The following GRIA1 variants were observed in gnomAD, a reference collection of about 807,000 sequenced individuals.
GRIA1 encodes glutamate ionotropic receptor AMPA type subunit 1, also known as glutamate receptor 1.
Under a neutral mutation model 99.2 loss-of-function variants are expected in GRIA1, and 31 were observed. That is an observed-to-expected ratio of 0.31 (90% CI 0.23 to 0.42). The LOEUF is 0.42. Among genes scored for constraint, GRIA1 ranks in the 10% least tolerant of loss-of-function variants. GRIA1 has a pLI of 1.00. For synonymous variants in GRIA1, 438 were observed against 432.4 expected (o/e 1.01, Z -0.16); for missense variants, 782 against 1,157.5 (o/e 0.68, Z 4.71).
chr5:153,560,476 T>G (rs1242252719), intron 2 of GRIA1, among the ~76,000 whole-genome samples: 2 of 152,042 alleles, frequency 1.3e-5, no homozygotes, highest in Non-Finnish European at 2.9e-5. Flanking sequence ...AGGGACCAGG[T>G]GGGAGGTAAT....
chr5:153,550,294 T>A (rs189623608), intron 2 of GRIA1, among the ~76,000 whole-genome samples: 1,924 of 151,716 alleles, frequency 0.013, 32 homozygotes, highest in African/African-American at 0.039. Context: ...TCCTAGAAGA[T>A]CAAGAAGTAG....
chr5:153,675,160 C>A (rs1038981967), intron 6 of GRIA1, among the ~76,000 whole-genome samples: 3 of 152,252 alleles, frequency 2.0e-5, no homozygotes, highest in African/African-American at 4.8e-5. Context: ...AAACTACCCC[C>A]AGTTGGCTGC....
intron 13 of GRIA1, among the ~76,000 whole-genome samples, chr5:153,784,834 T>C (rs961006932): frequency 6.6e-6 from 1 of 152,134 alleles, no homozygotes; most frequent in Non-Finnish European, 1.5e-5. Flanking sequence ...GAGACCATTG[T>C]CCAAAGGAAG....
At chr5:153,504,766 G>A (rs537307425) in intron 2 of GRIA1, among the ~76,000 whole-genome samples, 26 of 152,294 alleles carry the variant, frequency 1.7e-4, no homozygotes, top group African/African-American at 5.8e-4. Flanking sequence ...CGACTGGGAG[G>A]TGGTCTCTCC....
At chr5:153,557,598 T>A (rs569232275) in intron 2 of GRIA1, among the ~76,000 whole-genome samples, 1 of 152,370 alleles carries the variant, frequency 6.6e-6, no homozygotes, top group Non-Finnish European at 1.5e-5. Flanking sequence ...GCTTTTCTTT[T>A]TCTATTTCTA....
At chr5:153,645,507 G>A (rs948941995) in intron 2 of GRIA1, among the ~76,000 whole-genome samples, 1 of 152,162 alleles carries the variant, frequency 6.6e-6, no homozygotes, top group African/African-American at 2.4e-5. Context: ...GAGGCAAATA[G>A]ATTTGACAAA....
intron 8 of GRIA1, among the ~76,000 whole-genome samples, chr5:153,687,035 T>TC (rs59367883): frequency 6.6e-5 from 10 of 151,832 alleles, no homozygotes; most frequent in Admixed American, 5.9e-4. Context: ...TGGGACTTCC[T>TC]CCCCCCATCT....
intron 2 of GRIA1, among the ~76,000 whole-genome samples, chr5:153,608,336 C>T (rs1049609592): frequency 6.6e-6 from 1 of 152,184 alleles, no homozygotes; most frequent in African/African-American, 2.4e-5. Context: ...ATTCTTCAGA[C>T]ATCATTTATG....
At chr5:153,667,334 G>A (rs569026990) in intron 5 of GRIA1, among the ~76,000 whole-genome samples, 16 of 152,334 alleles carry the variant, frequency 1.1e-4, no homozygotes, top group South Asian at 6.2e-4. Context: ...TGAACAGCTC[G>A]TATGTGACCC....
chr5:153,806,335 G>T (rs1199532162), intron 15 of GRIA1, among the ~76,000 whole-genome samples: 1 of 151,782 alleles, frequency 6.6e-6, no homozygotes, highest in Admixed American at 6.6e-5. Context: ...GTGCAATCTC[G>T]GCTCACTGCA....
intron 2 of GRIA1, among the ~76,000 whole-genome samples, chr5:153,550,752 A>G (rs1195040704): frequency 1.3e-5 from 2 of 152,166 alleles, no homozygotes; most frequent in Non-Finnish European, 2.9e-5. Context: ...ATGTTGTAAG[A>G]ATTAACTGAA....
intron 15 of GRIA1, among the ~76,000 whole-genome samples, chr5:153,810,050 T>G (rs1037974187): frequency 9.8e-5 from 15 of 152,348 alleles, no homozygotes; most frequent in Admixed American, 3.9e-4. Context: ...ATCAATGGTC[T>G]TTCTCCAAAG....
Position 153,705,691 on chromosome 5 carries a change from T to TTTTTTC in GRIA1, c.1453-4_1453-3insTTTCTT, listed in dbSNP as rs757346467. ...TTTTTTTTTTTTTTTTTTTTTTTTT[T>TTTTTTC]TTCAGAGAGCAGATGTGGCTGTGGC... is the stretch of plus-strand genomic sequence containing the variant. On this transcript the variant is annotated splice_polypyrimidine_tract_variant and splice_region_variant and intron_variant, in intron 10 of 15. Transcript: ENST00000285900. 10 of 1,291,922 alleles carry TTTTTTC rather than the reference T, an allele frequency of 7.7e-6. No individual in the cohort carries two copies. In the African/African-American group the frequency reaches 1.6e-4, roughly 21 times the overall value. 80.0% of individuals were successfully genotyped at this position (1,291,922 alleles called of 1,614,324 possible).
intron 2 of GRIA1, among the ~76,000 whole-genome samples, chr5:153,621,992 AC>A (rs1386990545): frequency 6.6e-6 from 1 of 152,080 alleles, no homozygotes; most frequent in Non-Finnish European, 1.5e-5. Context: ...GAGCTGCTAA[AC>A]AGAACATGTG....
chr5:153,542,504 G>T (rs1393071990), intron 2 of GRIA1, among the ~76,000 whole-genome samples: 1 of 152,164 alleles, frequency 6.6e-6, no homozygotes, highest in Non-Finnish European at 1.5e-5. Flanking sequence ...ATGGCACTTG[G>T]CAAAGCATTC....
At chr5:153,570,318 C>T (rs1033303326) in intron 2 of GRIA1, among the ~76,000 whole-genome samples, 1 of 152,200 alleles carries the variant, frequency 6.6e-6, no homozygotes, top group Non-Finnish European at 1.5e-5. Flanking sequence ...GCTTTAACAT[C>T]TCAGTGAGTC....
At chr5:153,545,058 T>C (rs1287384125) in intron 2 of GRIA1, among the ~76,000 whole-genome samples, 3 of 152,178 alleles carry the variant, frequency 2.0e-5, no homozygotes, top group South Asian at 2.1e-4. Context: ...AGTTCTCTTG[T>C]GTTTAAGGAA....
rs375455632 is a variant in GRIA1, at chr5:153,683,957, AAC to A, written c.1030-2265_1030-2264del. ...CAGCAATAGCAGAAAGCAGGTAGAA[AAC>A]ACTACATTGCACATTTTTGTGTTGT... On this transcript the variant is annotated intron_variant, in intron 7 of 15. Coordinates refer to ENST00000285900, the MANE Select transcript of GRIA1 (RefSeq NM_000827.4). 4.3e-3 allele frequency among the ~76,000 whole-genome samples: 662 copies of A among 152,292 alleles called. 1 individual carries two copies. Among genetic ancestry groups the A allele is most frequent in the Middle Eastern group, 0.01 (3 of 294 alleles).
At chr5:153,729,005 C>A (rs1411711777) in intron 11 of GRIA1, among the ~76,000 whole-genome samples, 1 of 141,834 alleles carries the variant, frequency 7.1e-6, no homozygotes, top group Non-Finnish European at 1.5e-5. Context: ...CAGTGATAGA[C>A]TGGATTAAGA....
Sources: allele counts gnomAD v4.1 joint callset (sites outside exome capture counted in the v4.1 genomes callset), GRCh38; gene constraint gnomAD v4.1.1; transcripts MANE v1.5; gene names NCBI Gene and HGNC (gene_info 2026-07-23, HGNC 2026-07-21).